The following DRD4 variants were observed in gnomAD, a reference collection of about 807,000 sequenced individuals.
DRD4 encodes the protein dopamine receptor D4.
DRD4 carries 26 observed loss-of-function variants against 22.1 expected under a neutral mutation model. The observed-to-expected ratio is 1.17, with a 90% CI of 0.86 to 1.63. The LOEUF is 1.63. DRD4 is among the 40% of genes most tolerant of loss of function. DRD4 has a pLI of 0.00. For synonymous variants in DRD4, 455 were observed against 306.7 expected (o/e 1.48, Z -5.05); for missense variants, 913 against 632.4 (o/e 1.44, Z -4.76).
chr11:637,538 C>T lies in DRD4; in HGVS notation c.234C>T (p.Ala78=), dbSNP rs370549757. 308 of 1,525,150 alleles carry T rather than the reference C, an allele frequency of 2.0e-4. No homozygotes were observed. The highest frequency in any genetic ancestry group is 2.5e-4 in the Non-Finnish European group (280 of 1,126,942). The allele number at this position is 1,525,150 out of a possible 1,614,324, so 94.5% of individuals were successfully genotyped here. A position where few individuals can be genotyped will look rare whatever the true frequency, so the allele number is the denominator to read the frequency against. ...PTNSFIVSLA[A]ADLLLALLVL... ...ACTCCTTCATCGTGAGCCTGGCGGCCGCCGACCTCCTCCTCGCTCTCCTGG... is the reference window on the plus strand; with the variant it reads ...ACTCCTTCATCGTGAGCCTGGCGGCTGCCGACCTCCTCCTCGCTCTCCTGG... The change falls in exon 1 of 4, where the codon GCC becomes GCT. Residue 78 remains alanine (A), a synonymous_variant. Coordinates refer to ENST00000176183, the MANE Select transcript of DRD4 (RefSeq NM_000797.4).
intron 1 of DRD4, chr11:639,151 A>AGAC: frequency 4.2e-6 from 2 of 473,896 alleles, no homozygotes; most frequent in Non-Finnish European, 7.7e-6. Flanking sequence ...GCTACTCTGG[A>AGAC]GACTGAGGTG....
chr11:639,610 C>G, intron 2 of DRD4, 38 bp from the exon 3 acceptor site: 2 of 1,372,444 alleles, frequency 1.5e-6, no homozygotes, highest in Non-Finnish European at 1.9e-6. Context: ...TCACCGCGGC[C>G]TGTGCGCTGT....
Position 640,604 on chromosome 11 carries a change from GCCGGGCACCC to G in DRD4, c.*6_*15del. On this transcript the variant is annotated 3_prime_UTR_variant, in exon 4 of 4. Coordinates refer to ENST00000176183, the MANE Select transcript of DRD4 (RefSeq NM_000797.4). ...CAAGGCCCTGCGTGCCTGCTGCTGA[GCCGGGCACCC>G]CCGGACGCCCCCCGGCCTGATGGCC... is the stretch of plus-strand genomic sequence containing the variant. 6.3e-7 allele frequency: 1 copy of G among 1,599,228 alleles called. No homozygotes were observed. The highest frequency in any genetic ancestry group is 8.5e-7 in the Non-Finnish European group (1 of 1,179,788).
chr11:639,586 C>T, intron 2 of DRD4, 41 bp downstream of exon 2: 1 of 1,317,542 alleles, frequency 7.6e-7, no homozygotes. Flanking sequence ...GCCCCCGCGC[C>T]CCGCCCGCCG....
Position 639,741 on chromosome 11 carries a change from G to A in DRD4, c.492G>A (p.Ala164=), listed in dbSNP as rs773171866. The A allele has an allele frequency of 2.6e-6, 4 of 1,534,520 alleles. No individual in the cohort carries two copies. Among genetic ancestry groups the A allele is most frequent in the Non-Finnish European group, 3.5e-6 (4 of 1,149,944 alleles). ...LLIGATWLLS[A]AVAAPVLCGL... ...TCGGCGCCACGTGGCTGCTGTCCGC[G>A]GCGGTGGCGGCGCCCGTACTGTGCG... The change falls in exon 3 of 4, where the codon GCG becomes GCA. Residue 164 remains alanine, a synonymous_variant. Transcript: ENST00000176183.
At chr11:640,337 G>A in intron 3 of DRD4, 31 bp downstream of exon 3, 1 of 1,501,544 alleles carries the variant, frequency 6.7e-7, no homozygotes, top group Non-Finnish European at 9.0e-7. Flanking sequence ...GCGGGGAGGA[G>A]AGGAGGGGGG....
intron 1 of DRD4, among the ~76,000 whole-genome samples, chr11:638,463 T>G (rs1265269372): frequency 2.0e-5 from 3 of 152,078 alleles, no homozygotes; most frequent in Non-Finnish European, 2.9e-5. Flanking sequence ...CGGGAAGGAT[T>G]AGAGGGGCTG....
At chr11:640,342 GGGGGGGGGTACGAGGCC>G in intron 3 of DRD4, 36 bp downstream of exon 3, 1 of 1,366,396 alleles carries the variant, frequency 7.3e-7, no homozygotes, top group Non-Finnish European at 9.8e-7. Flanking sequence ...GAGGAGAGGA[GGGGGGGGGTACGAGGCC>G]GGCTGGGCGG....
chr11:639,034 G>A (rs1465308694), intron 1 of DRD4: 1 of 226,934 alleles, frequency 4.4e-6, no homozygotes, highest in African/African-American at 2.3e-5. Flanking sequence ...AGTGAGTTGA[G>A]ATCTCACCAC....
At chr11:639,297 C>T (rs1379363407) in intron 1 of DRD4, 136 bp from the exon 2 acceptor site, 4 of 797,456 alleles carry the variant, frequency 5.0e-6, no homozygotes, top group African/African-American at 1.7e-5. Flanking sequence ...GTTTCCCTGC[C>T]CGGTCCTCTG....
chr11:637,892 G>T (rs1053338311), intron 1 of DRD4, among the ~76,000 whole-genome samples: 1 of 152,214 alleles, frequency 6.6e-6, no homozygotes, highest in African/African-American at 2.4e-5. Context: ...AGGCGACTTT[G>T]TCAAGCCCAG....
At chr11:638,560 TTATCTTC>T (rs1285332549) in intron 1 of DRD4, among the ~76,000 whole-genome samples, 11 of 152,178 alleles carry the variant, frequency 7.2e-5, no homozygotes, top group African/African-American at 2.7e-4. Flanking sequence ...TAATTATAAT[TTATCTTC>T]AAGACAATTA....
intron 2 of DRD4, 38 bp from the exon 3 acceptor site, chr11:639,610 C>T: frequency 7.3e-7 from 1 of 1,372,444 alleles, no homozygotes; most frequent in Non-Finnish European, 9.4e-7. Context: ...TCACCGCGGC[C>T]TGTGCGCTGT....
Position 640,004 on chromosome 11 carries a change from GCCTCCC to G in DRD4, c.758_763del (p.Leu253_Pro254del). 3.9e-6 allele frequency: 4 copies of G among 1,022,558 alleles called. No homozygotes were observed. The highest frequency in any genetic ancestry group is 7.4e-5 in the Admixed American group (1 of 13,510). The allele number at this position is 1,022,558 out of a possible 1,614,324, so 63.3% of individuals were successfully genotyped here. A position where few individuals can be genotyped will look rare whatever the true frequency, so the allele number is the denominator to read the frequency against. On this transcript the variant is annotated inframe_deletion, in exon 3 of 4. Coordinates refer to ENST00000176183, the MANE Select transcript of DRD4 (RefSeq NM_000797.4). ...CCTTCCCCCACGCCACCCGCGCCCC[GCCTCCC>G]CCAGGACCCCTGCGGCCCCGACTGT...
At position 640,566 on chromosome 11, in the gene DRD4, G is replaced by T; in HGVS notation, c.1223G>T (p.Arg408Leu). The change falls in exon 4 of 4, where the codon CGC (arginine) becomes CTC (leucine). Residue 408 changes from arginine to leucine, a missense_variant. By Grantham distance (102) the Arg-to-Leu change is moderately radical (BLOSUM62 -2). Coordinates refer to ENST00000176183, the MANE Select transcript of DRD4 (RefSeq NM_000797.4). ...TACACTGTCTTCAACGCCGAGTTCC[G>T]CAACGTCTTCCGCAAGGCCCTGCGT... ...VIYTVFNAEFRNVFRKALRAC... is the reference protein window; with the variant it reads ...VIYTVFNAEFLNVFRKALRAC... 6.3e-7 allele frequency: 1 copy of T among 1,599,916 alleles called. No individual in the cohort carries two copies. The highest frequency in any genetic ancestry group is 8.5e-7 in the Non-Finnish European group (1 of 1,179,772).
At chr11:638,411 G>A (rs1045271171) in intron 1 of DRD4, among the ~76,000 whole-genome samples, 3 of 152,164 alleles carry the variant, frequency 2.0e-5, no homozygotes, top group African/African-American at 2.4e-5. Context: ...AGCCGCAGAC[G>A]TCACAGTGAC....
chr11:640,014 GGA>G lies in DRD4; in HGVS notation c.766_767del (p.Asp256ProfsTer193). ...PTPPAPRLPQ[D>X]PCGPDCAPPA... ...CGCCACCCGCGCCCCGCCTCCCCCA[GGA>G]CCCCTGCGGCCCCGACTGTGCGCCC... On this transcript the variant is annotated frameshift_variant, in exon 3 of 4. Coordinates refer to ENST00000176183, the MANE Select transcript of DRD4 (RefSeq NM_000797.4). LOFTEE classifies it high-confidence loss of function. 1 of 1,180,926 alleles carries G rather than the reference GGA, an allele frequency of 8.5e-7. No homozygotes were observed. Among genetic ancestry groups the G allele is most frequent in the Non-Finnish European group, 1.0e-6 (1 of 961,716 alleles). 73.2% of individuals were successfully genotyped at this position (1,180,926 alleles called of 1,614,324 possible).
chr11:640,531 C>T lies in DRD4; in HGVS notation c.1188C>T (p.Asn396=), dbSNP rs1858216448. 1.2e-6 allele frequency: 2 copies of T among 1,601,254 alleles called. No individual in the cohort carries two copies. The highest frequency in any genetic ancestry group is 1.7e-4 in the Middle Eastern group (1 of 6,060). ...TGGGCTACGTCAACAGCGCCCTCAACCCCGTCATCTACACTGTCTTCAACG... is the reference window on the plus strand; with the variant it reads ...TGGGCTACGTCAACAGCGCCCTCAATCCCGTCATCTACACTGTCTTCAACG... ...TWLGYVNSAL[N]PVIYTVFNAE... Residue 396 remains asparagine (N), a synonymous_variant, in exon 4 of 4, where the codon AAC becomes AAT. Coordinates refer to ENST00000176183, the MANE Select transcript of DRD4 (RefSeq NM_000797.4).
chr11:640,029 C>T lies in DRD4; in HGVS notation c.780C>T (p.Pro260=), dbSNP rs1412168254. Residue 260 remains proline (P), a synonymous_variant, in exon 3 of 4, where the codon CCC becomes CCT. Coordinates refer to ENST00000176183, the MANE Select transcript of DRD4 (RefSeq NM_000797.4). The part of the protein sequence containing the change: ...APRLPQDPCG[P]DCAPPAPGLP... ...GCCTCCCCCAGGACCCCTGCGGCCC[C>T]GACTGTGCGCCCCCCGCGCCCGGCC... The T allele has an allele frequency of 7.5e-6, 9 of 1,206,178 alleles. No homozygotes were observed. The highest frequency in any genetic ancestry group is 4.5e-5 in the Admixed American group (1 of 22,010). 74.7% of individuals were successfully genotyped at this position (1,206,178 alleles called of 1,614,324 possible). A position where few individuals can be genotyped will look rare whatever the true frequency, so the allele number is the denominator to read the frequency against.
Sources: gnomAD v4.1 joint callset for allele counts (sites outside exome capture counted in the v4.1 genomes callset) on GRCh38, gnomAD v4.1.1 for gene constraint, MANE v1.5 for transcripts, NCBI Gene and HGNC (gene_info 2026-07-23, HGNC 2026-07-21) for gene names.